LRP1B: variants seen among roughly 807,000 people sequenced by gnomAD.
The protein encoded by LRP1B is low-density lipoprotein receptor-related protein 1B.
A neutral mutation model predicts 556.6 loss-of-function variants in LRP1B; 217 were observed. The observed-to-expected ratio is 0.39, with a 90% CI of 0.35 to 0.44. LRP1B has a LOEUF of 0.44. LRP1B is among the 20% of genes least tolerant of loss of function. LRP1B has a pLI of 1.00. For synonymous variants in LRP1B, 2,047 were observed against 1,865.8 expected (o/e 1.10, Z -2.50); for missense variants, 5,053 against 5,620.8 (o/e 0.90, Z 3.23).
chr2:140,643,230 G>A (rs1684366343), intron 41 of LRP1B, among the ~76,000 whole-genome samples: 1 of 151,662 alleles, frequency 6.6e-6, no homozygotes, highest in African/African-American at 2.4e-5. Flanking sequence ...TTCTTATAAC[G>A]AGTTAACATC....
chr2:140,902,392 G>T (rs2105221288), intron 23 of LRP1B, among the ~76,000 whole-genome samples: 1 of 152,262 alleles, frequency 6.6e-6, no homozygotes, highest in Non-Finnish European at 1.5e-5. Flanking sequence ...TATGTAACCT[G>T]CCTAGGGTCA....
chr2:142,052,636 C>T (rs1298750350), intron 1 of LRP1B, among the ~76,000 whole-genome samples: 1 of 152,094 alleles, frequency 6.6e-6, no homozygotes, highest in African/African-American at 2.4e-5. Flanking sequence ...TCCAGGTGCG[C>T]TCTCAGGGTG....
At chr2:141,513,354 A>AT (rs1156713635) in intron 2 of LRP1B, among the ~76,000 whole-genome samples, 2 of 152,008 alleles carry the variant, frequency 1.3e-5, no homozygotes, top group African/African-American at 2.4e-5. Flanking sequence ...TTTAATTTCA[A>AT]TTTTTTTCTA....
chr2:141,020,813 G>A (rs7564888), intron 11 of LRP1B, among the ~76,000 whole-genome samples: 3 of 151,928 alleles, frequency 2.0e-5, no homozygotes, highest in African/African-American at 7.2e-5. Flanking sequence ...TTATAAAGGG[G>A]GGGTAACTAA....
At chr2:141,364,713 C>T (rs1355733634) in intron 3 of LRP1B, among the ~76,000 whole-genome samples, 2 of 152,136 alleles carry the variant, frequency 1.3e-5, no homozygotes, top group African/African-American at 2.4e-5. Context: ...CCAGATAGCA[C>T]CTTTTATCAT....
chr2:141,084,393 G>A (rs886293905), intron 7 of LRP1B, among the ~76,000 whole-genome samples: 1 of 152,092 alleles, frequency 6.6e-6, no homozygotes, highest in Non-Finnish European at 1.5e-5. Flanking sequence ...AAATGTTAAG[G>A]AACATTATTT....
intron 3 of LRP1B, among the ~76,000 whole-genome samples, chr2:141,356,900 G>A (rs963868497): frequency 4.6e-5 from 7 of 152,070 alleles, no homozygotes; most frequent in East Asian, 1.9e-4. Context: ...ATCACCAACT[G>A]TAGAGGTTAA....
Position 140,465,698 on chromosome 2 carries a change from C to T in LRP1B, c.9626-8047G>A, listed in dbSNP as rs10170207. Among the ~76,000 whole-genome samples the T allele has an allele frequency of 4.0e-3, 582 of 147,262 alleles. 3 individuals are homozygous for T. Among genetic ancestry groups the T allele is most frequent in the African/African-American group, 0.014 (563 of 39,508 alleles). The stretch of plus-strand genomic sequence containing the variant: ...CTTAAAATGTCCCTATTTTTACAAG[C>T]ATGTGGCACTCATGACATTTGCAAA... On this transcript the variant is annotated intron_variant, in intron 60 of 90. Transcript: ENST00000389484.
At position 141,138,612 on chromosome 2, in the gene LRP1B, C is replaced by A. The variant is rs1341163465; in HGVS notation, c.1013+49809G>T. ...TTTACTGGCAAATAACAATTGGAAACTAAAATTTTTTTAAAGTACCATTGA... is the reference window on the plus strand; with the variant it reads ...TTTACTGGCAAATAACAATTGGAAAATAAAATTTTTTTAAAGTACCATTGA... On this transcript the variant is annotated intron_variant, in intron 7 of 90. Coordinates refer to ENST00000389484, the MANE Select transcript of LRP1B (RefSeq NM_018557.3). Among the ~76,000 whole-genome samples the A allele has an allele frequency of 2.7e-5, 4 of 150,850 alleles. No homozygotes were observed. The South Asian group carries it at 6.3e-4, about 24-fold the overall frequency.
At chr2:141,609,893 A>G (rs1228930204) in intron 2 of LRP1B, among the ~76,000 whole-genome samples, 1 of 152,240 alleles carries the variant, frequency 6.6e-6, no homozygotes, top group Non-Finnish European at 1.5e-5. Flanking sequence ...TTCACACTCA[A>G]TGATATGTTC....
chr2:140,264,366 C>T (rs1340641540), intron 86 of LRP1B, among the ~76,000 whole-genome samples: 2 of 152,022 alleles, frequency 1.3e-5, no homozygotes, highest in African/African-American at 2.4e-5. Flanking sequence ...GTAGCTGGGA[C>T]TACAGGCATG....
At chr2:141,552,323 C>G (rs865945945) in intron 2 of LRP1B, among the ~76,000 whole-genome samples, 19 of 152,108 alleles carry the variant, frequency 1.2e-4, no homozygotes, top group African/African-American at 4.3e-4. Flanking sequence ...ACTCAAAGGT[C>G]TAGTACTCCA....
intron 3 of LRP1B, among the ~76,000 whole-genome samples, chr2:141,288,219 CAT>C (rs1199384918): frequency 1.4e-5 from 2 of 139,806 alleles, no homozygotes; most frequent in Non-Finnish European, 3.1e-5. Context: ...GTAGACATCT[CAT>C]ATAAATGGAA....
intron 3 of LRP1B, among the ~76,000 whole-genome samples, chr2:141,374,734 T>C (rs1343605656): frequency 1.3e-5 from 2 of 152,202 alleles, no homozygotes; most frequent in African/African-American, 2.4e-5. Flanking sequence ...AAAGCTTTCT[T>C]ATCTCCTTGG....
At chr2:140,997,582 T>C (rs1697283393) in intron 15 of LRP1B, among the ~76,000 whole-genome samples, 1 of 151,994 alleles carries the variant, frequency 6.6e-6, no homozygotes, top group Admixed American at 6.6e-5. Context: ...GATGCTTTGC[T>C]GTCAACTGCA....
At chr2:141,987,314 T>C (rs140916710) in intron 1 of LRP1B, among the ~76,000 whole-genome samples, 1 of 152,092 alleles carries the variant, frequency 6.6e-6, no homozygotes, top group Non-Finnish European at 1.5e-5. Context: ...CTCAATTACA[T>C]CTAGTTTCAG....
chr2:140,616,330 A>T (rs1009477922), intron 41 of LRP1B, among the ~76,000 whole-genome samples: 1 of 152,012 alleles, frequency 6.6e-6, no homozygotes. Context: ...AATCACTTAT[A>T]TATCTAATTT....
chr2:140,317,328 A>T (rs1684568100), intron 82 of LRP1B, among the ~76,000 whole-genome samples: 1 of 152,102 alleles, frequency 6.6e-6, no homozygotes, highest in Non-Finnish European at 1.5e-5. Context: ...TAAGATGATG[A>T]CCCAAAATAG....
In LRP1B at chr2:140,820,095, G is replaced by A. The variant is rs1034515476; in HGVS notation, c.5210-6289C>T. ...GCTGACTGCAACCTCTGCCTCCCGG[G>A]CTCAAGAGATTCTCTTGCTTCAGCC... On this transcript the variant is annotated intron_variant, in intron 31 of 90. Coordinates refer to ENST00000389484, the MANE Select transcript of LRP1B (RefSeq NM_018557.3). 1.4e-4 allele frequency among the ~76,000 whole-genome samples: 22 copies of A among 152,166 alleles called. 1 individual carries two copies. Among genetic ancestry groups the A allele is most frequent in the Admixed American group, 1.1e-3 (17 of 15,280 alleles).
Sources: gnomAD v4.1 joint callset for allele counts (sites outside exome capture counted in the v4.1 genomes callset) on GRCh38, gnomAD v4.1.1 for gene constraint, MANE v1.5 for transcripts, NCBI Gene and HGNC (gene_info 2026-07-23, HGNC 2026-07-21) for gene names.